Variants in EXOC6B observed in about 807,000 individuals in gnomAD.
EXOC6B encodes exocyst complex component 6B.
Under a neutral mutation model 113.5 loss-of-function variants are expected in EXOC6B, and 54 were observed. The ratio of observed to expected loss-of-function variants is 0.48; its 90% CI spans 0.38 to 0.60. The LOEUF (loss-of-function observed/expected upper bound fraction) is 0.60, where lower values mean the gene tolerates loss of function less well. Ranked by LOEUF, EXOC6B falls within the 20% of genes least tolerant of loss-of-function variation. The pLI, the probability that EXOC6B is intolerant of heterozygous loss-of-function variation, is 0.00. For synonymous variants in EXOC6B, 357 were observed against 339.0 expected (o/e 1.05, Z -0.58); for missense variants, 797 against 977.5 (o/e 0.82, Z 2.46).
intron 20 of EXOC6B, among the ~76,000 whole-genome samples, chr2:72,225,096 T>A (rs1681149514): frequency 6.6e-6 from 1 of 150,746 alleles, no homozygotes; most frequent in East Asian, 1.9e-4. Flanking sequence ...AAGTGATGCA[T>A]CCACTGTGGC....
At chr2:72,799,856 G>C (rs1685186349) in intron 1 of EXOC6B, among the ~76,000 whole-genome samples, 1 of 152,042 alleles carries the variant, frequency 6.6e-6, no homozygotes, top group Non-Finnish European at 1.5e-5. Context: ...CTTGAGCTCA[G>C]GGGTTCAAGA....
At chr2:72,256,935 G>T (rs1411188852) in intron 20 of EXOC6B, among the ~76,000 whole-genome samples, 2 of 151,636 alleles carry the variant, frequency 1.3e-5, no homozygotes, top group East Asian at 4.2e-4. Flanking sequence ...GTAAAAGCAG[G>T]TATCTGGAAT....
At chr2:72,527,013 G>A (rs982052106) in intron 8 of EXOC6B, among the ~76,000 whole-genome samples, 4 of 151,952 alleles carry the variant, frequency 2.6e-5, no homozygotes, top group African/African-American at 9.7e-5. Context: ...CACATTTCCA[G>A]ACTACAAGGA....
At chr2:72,187,142 G>A (rs1678492985) in intron 20 of EXOC6B, among the ~76,000 whole-genome samples, 1 of 152,146 alleles carries the variant, frequency 6.6e-6, no homozygotes, top group African/African-American at 2.4e-5. Context: ...TGGACCAGGT[G>A]CACTGCATGC....
At chr2:72,332,285 G>C (rs1208320291) in intron 20 of EXOC6B, among the ~76,000 whole-genome samples, 1 of 151,938 alleles carries the variant, frequency 6.6e-6, no homozygotes, top group East Asian at 1.9e-4. Flanking sequence ...GGTTTAGATA[G>C]GTCATTATGT....
intron 6 of EXOC6B, among the ~76,000 whole-genome samples, chr2:72,621,749 GT>G (rs1306546750): frequency 1.3e-5 from 2 of 152,126 alleles, no homozygotes; most frequent in Non-Finnish European, 2.9e-5. Flanking sequence ...TGTCTCACAT[GT>G]ACATTAATAC....
chr2:72,482,476 T>C (rs926754697), intron 16 of EXOC6B, among the ~76,000 whole-genome samples: 2 of 149,808 alleles, frequency 1.3e-5, no homozygotes, highest in Non-Finnish European at 3.0e-5. Context: ...TCTTTTGGTC[T>C]AGTGAGACAG....
chr2:72,681,328 C>T (rs369999649), intron 6 of EXOC6B, among the ~76,000 whole-genome samples: 3 of 152,206 alleles, frequency 2.0e-5, no homozygotes, highest in East Asian at 3.9e-4. Flanking sequence ...ATGCAGGTGC[C>T]GCTGTGAGCA....
At chr2:72,333,113 A>G (rs1378826867) in intron 20 of EXOC6B, among the ~76,000 whole-genome samples, 1 of 152,138 alleles carries the variant, frequency 6.6e-6, no homozygotes, top group Non-Finnish European at 1.5e-5. Context: ...TTTCATTACC[A>G]GTAAAATTTT....
chr2:72,692,312 T>C (rs1023310960), intron 6 of EXOC6B, among the ~76,000 whole-genome samples: 7 of 152,066 alleles, frequency 4.6e-5, no homozygotes, highest in Non-Finnish European at 7.4e-5. Flanking sequence ...TTCACTACAC[T>C]AAGAAGTGTA....
At chr2:72,477,074 A>G (rs946005971) in intron 17 of EXOC6B, among the ~76,000 whole-genome samples, 2 of 152,126 alleles carry the variant, frequency 1.3e-5, no homozygotes, top group Admixed American at 1.3e-4. Context: ...CAATCCTCAC[A>G]TCTTTCCTCT....
chr2:72,803,471 A>G (rs971077992), intron 1 of EXOC6B, among the ~76,000 whole-genome samples: 5 of 152,228 alleles, frequency 3.3e-5, no homozygotes, highest in Non-Finnish European at 7.3e-5. Context: ...AAGAACATCC[A>G]TATTAAGGCT....
rs1170019304 is a variant in EXOC6B, at chr2:72,465,234, T to C, written c.1906A>G (p.Asn636Asp). The C allele has an allele frequency of 2.5e-6, 4 of 1,611,684 alleles. No homozygotes were observed. The highest frequency in any genetic ancestry group is 3.4e-6 in the Non-Finnish European group (4 of 1,178,958). ...DYDWMTGDLG[N>D]KASDYLVDLI... ...TCTACCAGGTAATCACTAGCTTTGT[T>C]GCCCAAATCTCCGGTCATCCAGTCA... The change falls in exon 18 of 22, where the codon AAC becomes GAC. Residue 636 changes from asparagine to aspartate, a missense_variant. Transcript: ENST00000272427.
At chr2:72,587,011 T>G (rs1349119745) in intron 6 of EXOC6B, among the ~76,000 whole-genome samples, 2 of 152,208 alleles carry the variant, frequency 1.3e-5, no homozygotes, top group East Asian at 3.9e-4. Context: ...TGGAGATTTC[T>G]CAAATAACTT....
At chr2:72,622,490 GA>G (rs1007686746) in intron 6 of EXOC6B, among the ~76,000 whole-genome samples, 1 of 152,170 alleles carries the variant, frequency 6.6e-6, no homozygotes, top group Non-Finnish European at 1.5e-5. Context: ...AAGGAGGGTG[GA>G]CAGCTTGGGC....
chr2:72,642,918 GA>G (rs1210353051), intron 6 of EXOC6B, among the ~76,000 whole-genome samples: 1 of 147,362 alleles, frequency 6.8e-6, no homozygotes, highest in Non-Finnish European at 1.5e-5. Flanking sequence ...AAATTTACAA[GA>G]AAAAAACAAA....
chr2:72,514,819 A>T, intron 9 of EXOC6B, 139 bp from the exon 10 acceptor site: 1 of 642,664 alleles, frequency 1.6e-6, no homozygotes, highest in Non-Finnish European at 2.7e-6. Flanking sequence ...ATTATCTACC[A>T]ATGAAGAGGA....
intron 15 of EXOC6B, among the ~76,000 whole-genome samples, chr2:72,494,559 G>A (rs921037561): frequency 6.6e-6 from 1 of 151,920 alleles, no homozygotes; most frequent in Non-Finnish European, 1.5e-5. Context: ...AGAGTAGCCT[G>A]GCATACCATG....
chr2:72,452,038 TC>T (rs1200872188), intron 18 of EXOC6B, among the ~76,000 whole-genome samples: 5 of 152,160 alleles, frequency 3.3e-5, no homozygotes, highest in African/African-American at 1.2e-4. Context: ...CTCAAATTTG[TC>T]CTCTTGTCAA....
Sources: allele counts gnomAD v4.1 joint callset (sites outside exome capture counted in the v4.1 genomes callset), GRCh38; gene constraint gnomAD v4.1.1; transcripts MANE v1.5; gene names NCBI Gene and HGNC (gene_info 2026-07-23, HGNC 2026-07-21).